Variants in GMEB2 observed in about 807,000 individuals in gnomAD.
GMEB2 encodes glucocorticoid modulatory element-binding protein 2.
GMEB2 carries 7 observed loss-of-function variants against 45.7 expected under a neutral mutation model. The observed-to-expected ratio is 0.15, with a 90% CI of 0.09 to 0.29. The LOEUF (loss-of-function observed/expected upper bound fraction) is 0.29. Ranked by LOEUF, GMEB2 falls within the 10% of genes least tolerant of loss-of-function variation. The pLI, the probability that GMEB2 is intolerant of heterozygous loss-of-function variation, is 1.00. For synonymous variants in GMEB2, 322 were observed against 323.6 expected, an observed-to-expected ratio of 1.00 and a Z score of 0.05; for missense variants, 582 against 739.2, an observed-to-expected ratio of 0.79 and a Z score of 2.47.
At chr20:63,599,438 A>T (rs397898) in intron 4 of GMEB2, among the ~76,000 whole-genome samples, 5 of 152,158 alleles carry the variant, frequency 3.3e-5, no homozygotes, top group African/African-American at 1.2e-4. Flanking sequence ...ACATCCTTCC[A>T]TCATGATCTG....
chr20:63,598,839 C>T (rs1002305695), intron 4 of GMEB2, among the ~76,000 whole-genome samples: 1 of 152,216 alleles, frequency 6.6e-6, no homozygotes, highest in Admixed American at 6.5e-5. Flanking sequence ...GTGACTGAGG[C>T]TGCTTCCGGC....
chr20:63,603,978 T>C (rs1031325254), intron 3 of GMEB2, among the ~76,000 whole-genome samples: 7 of 150,602 alleles, frequency 4.6e-5, no homozygotes, highest in African/African-American at 9.8e-5. Context: ...TGCTTGAACC[T>C]GCAGGGCAGA....
chr20:63,589,035 G>A lies in GMEB2; in HGVS notation c.*1054C>T. The A allele has an allele frequency of 5.0e-6, 2 of 398,944 alleles. No individual in the cohort carries two copies. Among genetic ancestry groups the A allele is most frequent in the Non-Finnish European group, 4.4e-6 (1 of 226,278 alleles). 24.7% of individuals were successfully genotyped at this position (398,944 alleles called of 1,614,324 possible). ...CTTGGACAGAGACCACCAAGGGCCA[G>A]CCCAGGGGCTGCATGGGGGCCGGGG... On this transcript the variant is annotated 3_prime_UTR_variant, in exon 10 of 10. Coordinates refer to ENST00000370077, the MANE Select transcript of GMEB2 (RefSeq NM_012384.5).
intron 4 of GMEB2, among the ~76,000 whole-genome samples, chr20:63,600,843 G>A (rs977426043): frequency 6.6e-6 from 1 of 151,778 alleles, no homozygotes; most frequent in Non-Finnish European, 1.5e-5. Flanking sequence ...AGTGTCTGCT[G>A]TTTTCTCATG....
intron 1 of GMEB2, among the ~76,000 whole-genome samples, chr20:63,623,242 G>C (rs867738244): frequency 3.9e-5 from 6 of 152,230 alleles, no homozygotes; most frequent in African/African-American, 1.2e-4. Flanking sequence ...AATTTAAATG[G>C]TGGCCATCTA....
chr20:63,590,271 C>G lies in GMEB2; in HGVS notation c.1411G>C (p.Val471Leu), dbSNP rs1462359250. The G allele has an allele frequency of 6.2e-7, 1 of 1,612,702 alleles. No homozygotes were observed. Among genetic ancestry groups the G allele is most frequent in the South Asian group, 1.1e-5 (1 of 91,080 alleles). ...GTGAGCAGCTGTAGCGGGCTGACCA[C>G]CTTGAACACCGTGCTACCGTCCTGC... ...AVQDGSTVFK[V>L]VSPLQLLTLP... is the part of the protein sequence containing the mutation. Residue 471 changes from valine (V) to leucine (L), a missense_variant, in exon 10 of 10, where the codon GTG becomes CTG. Transcript: ENST00000370077.
At position 63,602,898 on chromosome 20, in the gene GMEB2, C is replaced by T. The variant is rs1335914740; in HGVS notation, c.357+67G>A. Reference sequence around the variant, plus strand: ...CCTCAGGATGCACTCAGCACAGCTGCACCCCCAAAGCAGTCACAGACACCA... The same window carrying T: ...CCTCAGGATGCACTCAGCACAGCTGTACCCCCAAAGCAGTCACAGACACCA... On this transcript the variant is annotated intron_variant, in intron 4 of 9. Transcript: ENST00000370077. 8 of 1,464,848 alleles carry T rather than the reference C, an allele frequency of 5.5e-6. No individual in the cohort carries two copies. The Admixed American group carries it at 1.3e-4, about 23-fold the overall frequency. 90.7% of individuals were successfully genotyped at this position (1,464,848 alleles called of 1,614,324 possible). A position where few individuals can be genotyped will look rare whatever the true frequency, so the allele number is the denominator to read the frequency against.
Position 63,595,675 on chromosome 20 carries a change from G to C in GMEB2, c.554C>G (p.Ala185Gly). ...CRSTKIDLSG[A>G]RVSLSSPTSA... Reference sequence around the variant, plus strand: ...CGTGGGGCTGCTCAGGGACACACGGGCTCCTGAGAGGTCAATCTTTGTGCT... The same window carrying C: ...CGTGGGGCTGCTCAGGGACACACGGCCTCCTGAGAGGTCAATCTTTGTGCT... Residue 185 changes from alanine to glycine, a missense_variant, in exon 6 of 10, where the codon GCC (alanine) becomes GGC (glycine). Ala to Gly is a moderately conservative substitution (Grantham distance 60). Transcript: ENST00000370077. 1.2e-6 allele frequency: 2 copies of C among 1,613,812 alleles called. No individual in the cohort carries two copies. The highest frequency in any genetic ancestry group is 1.7e-6 in the Non-Finnish European group (2 of 1,179,748).
chr20:63,626,836 C>A (rs1408516565), intron 1 of GMEB2, 120 bp downstream of exon 1: 2 of 147,006 alleles, frequency 1.4e-5, no homozygotes, highest in African/African-American at 4.9e-5. Flanking sequence ...TCCCCCGGCC[C>A]TCCCCTCCCC....
chr20:63,614,235 A>G (rs1291256659), intron 2 of GMEB2, among the ~76,000 whole-genome samples: 1 of 152,220 alleles, frequency 6.6e-6, no homozygotes, highest in Non-Finnish European at 1.5e-5. Context: ...CTTTATTCCA[A>G]TATTATAATA....
chr20:63,592,562 C>T lies in GMEB2; in HGVS notation c.800G>A (p.Arg267Gln), dbSNP rs1367084450. 3.1e-6 allele frequency: 5 copies of T among 1,612,438 alleles called. No individual in the cohort carries two copies. Among genetic ancestry groups the T allele is most frequent in the East Asian group, 2.2e-5 (1 of 44,884 alleles). The change falls in exon 8 of 10, where the codon CGG (arginine) becomes CAG (glutamine). Residue 267 changes from arginine (R) to glutamine (Q), a missense_variant. Around this residue, in one of 3 missense-constraint regions of GMEB2, gnomAD observed 462 missense variants for 586.7 expected, o/e 0.79. Transcript: ENST00000370077. This position sits in a 1 kb window ranked among gnomAD's most constrained non-coding sequence, Gnocchi z 8.2. The stretch of plus-strand genomic sequence containing the variant: ...AAGCTGCAGGGGAGGGTCCTGGACC[C>T]GCTGCTGCAGGCCTCTCATGGTCTC... ...LVETMRGLQQRVQDPPLQLRD... is the reference protein window; with the variant it reads ...LVETMRGLQQQVQDPPLQLRD...
At position 63,592,124 on chromosome 20, in the gene GMEB2, T is replaced by C. The variant is rs1165502616; in HGVS notation, c.850A>G (p.Ile284Val). 3 of 1,613,376 alleles carry C rather than the reference T, an allele frequency of 1.9e-6. No homozygotes were observed. The highest frequency in any genetic ancestry group is 1.7e-5 in the Admixed American group (1 of 59,992). ...QLRDAVLLNN[I>V]VQNFGMLDLV... Reference sequence around the variant, plus strand: ...TCCAGCATGCCGAAGTTCTGCACGATGTTGTTGAGAAGTACAGCATCTTAA... The same window carrying C: ...TCCAGCATGCCGAAGTTCTGCACGACGTTGTTGAGAAGTACAGCATCTTAA... The change falls in exon 9 of 10, where the codon ATC (isoleucine) becomes GTC (valine). Residue 284 changes from isoleucine (I) to valine (V), a missense_variant. Physicochemically the swap from Ile to Val is conservative, Grantham distance 29. Coordinates refer to ENST00000370077, the MANE Select transcript of GMEB2 (RefSeq NM_012384.5). This position sits in a 1 kb window ranked among gnomAD's most constrained non-coding sequence, Gnocchi z 8.2.
At chr20:63,613,090 T>C (rs6062976) in intron 2 of GMEB2, among the ~76,000 whole-genome samples, 76,639 of 151,724 alleles carry the variant, frequency 0.51, 20,482 homozygotes, top group Middle Eastern at 0.66. Flanking sequence ...GCCTCCTGAG[T>C]AACTGGGACT....
At chr20:63,598,209 C>A (rs6089934) in intron 4 of GMEB2, among the ~76,000 whole-genome samples, 1 of 152,104 alleles carries the variant, frequency 6.6e-6, no homozygotes, top group Non-Finnish European at 1.5e-5. Context: ...TATAAATACA[C>A]GTTATTGCAT....
At chr20:63,624,486 C>T (rs2089657565) in intron 1 of GMEB2, among the ~76,000 whole-genome samples, 1 of 151,986 alleles carries the variant, frequency 6.6e-6, no homozygotes, top group Non-Finnish European at 1.5e-5. Context: ...CTACTGATCT[C>T]CCGTGCTGAC....
At chr20:63,626,832 G>GGCCCTCCCCTCCCCCC (rs1449312345) in intron 1 of GMEB2, 124 bp downstream of exon 1, 5 of 143,014 alleles carry the variant, frequency 3.5e-5, no homozygotes, top group South Asian at 2.0e-4. Context: ...CCCCTCCCCC[G>GGCCCTCCCCTCCCCCC]GCCCTCCCCT....
In GMEB2 at chr20:63,607,575, C is replaced by G. The variant is rs1331045502; in HGVS notation, c.132-2735G>C. Among the ~76,000 whole-genome samples the G allele has an allele frequency of 4.7e-4, 17 of 36,278 alleles. 2 individuals carry two copies. The East Asian group carries it at 5.8e-3, about 12-fold the overall frequency. The allele number at this position is 36,278 out of a possible 152,430, so 23.8% of individuals were successfully genotyped here. A position where few individuals can be genotyped will look rare whatever the true frequency, so the allele number is the denominator to read the frequency against. ...TTCTAGAAACATGCCCCTCTGACCC[C>G]ACCTCCATTTCTAGAAACATGCCCC... On this transcript the variant is annotated intron_variant, in intron 2 of 9. Transcript: ENST00000370077.
intron 4 of GMEB2, among the ~76,000 whole-genome samples, chr20:63,600,456 G>T (rs545545036): frequency 3.3e-5 from 5 of 150,702 alleles, no homozygotes; most frequent in Admixed American, 3.3e-4. Context: ...GGTGGCTCAC[G>T]CCTGTAATCC....
intron 1 of GMEB2, among the ~76,000 whole-genome samples, chr20:63,622,133 AAAAG>A (rs1204575781): frequency 3.9e-5 from 6 of 152,230 alleles, no homozygotes; most frequent in East Asian, 1.9e-4. Context: ...TGTCACAAAA[AAAAG>A]AAAGAAAGAA....
Sources: gnomAD v4.1 joint callset for allele counts (sites outside exome capture counted in the v4.1 genomes callset) on GRCh38, gnomAD v4.1.1 for gene constraint, gnomAD v4.1.1 regional missense constraint, Gnocchi (gnomAD v3.1) non-coding constraint, MANE v1.5 for transcripts, NCBI Gene and HGNC (gene_info 2026-07-23, HGNC 2026-07-21) for gene names.